ANKS1B: variants seen among roughly 807,000 people sequenced by gnomAD.
ANKS1B encodes the protein ankyrin repeat and sterile alpha motif domain containing 1B, also known as ankyrin repeat and sterile alpha motif domain-containing protein 1B.
A neutral mutation model predicts 148.3 loss-of-function variants in ANKS1B; 36 were observed. That is an observed-to-expected ratio of 0.24 (90% CI 0.19 to 0.32). The LOEUF (loss-of-function observed/expected upper bound fraction) is 0.32. ANKS1B is among the 10% of genes least tolerant of loss of function. ANKS1B has a pLI of 1.00. For synonymous variants in ANKS1B, 542 were observed against 560.8 expected, an observed-to-expected ratio of 0.97 and a Z score of 0.47; for missense variants, 1,157 against 1,542.6, an observed-to-expected ratio of 0.75 and a Z score of 4.19.
chr12:99,173,808 G>A (rs1273174935), intron 14 of ANKS1B, among the ~76,000 whole-genome samples: 2 of 151,988 alleles, frequency 1.3e-5, no homozygotes, highest in Non-Finnish European at 2.9e-5. Context: ...TTCCTTGGGG[G>A]ATTTACCCTC....
intron 17 of ANKS1B, among the ~76,000 whole-genome samples, chr12:98,907,427 T>A (rs1368926701): frequency 6.6e-6 from 1 of 152,160 alleles, no homozygotes; most frequent in Non-Finnish European, 1.5e-5. Flanking sequence ...CAGCTCCCTG[T>A]CTCATGCTGG....
intron 24 of ANKS1B, among the ~76,000 whole-genome samples, chr12:98,776,519 GT>G (rs2153494542): frequency 6.6e-6 from 1 of 152,364 alleles, no homozygotes; most frequent in East Asian, 1.9e-4. Context: ...TTGCCTGTCT[GT>G]TGTTTGCCAT....
chr12:99,684,589 T>C (rs1386499530), intron 8 of ANKS1B, among the ~76,000 whole-genome samples: 1 of 151,930 alleles, frequency 6.6e-6, no homozygotes, highest in Non-Finnish European at 1.5e-5. Flanking sequence ...CTAAAATTTA[T>C]ATGGAGTCAA....
chr12:98,973,902 A>G (rs61932228), intron 17 of ANKS1B, among the ~76,000 whole-genome samples: 28,628 of 151,562 alleles, frequency 0.19, 2,909 homozygotes, highest in African/African-American at 0.26. Context: ...GATACATATC[A>G]CAGGTATGTA....
intron 1 of ANKS1B, among the ~76,000 whole-genome samples, chr12:99,896,561 T>C (rs2093395201): frequency 6.6e-6 from 1 of 151,170 alleles, no homozygotes; most frequent in Non-Finnish European, 1.5e-5. Context: ...TTCTTTTTGC[T>C]CTTTAAATAT....
At chr12:98,867,991 T>C (rs1403583054) in intron 17 of ANKS1B, among the ~76,000 whole-genome samples, 1 of 152,182 alleles carries the variant, frequency 6.6e-6, no homozygotes, top group East Asian at 1.9e-4. Context: ...TGCTTAGACA[T>C]TTCATTCATG....
intron 12 of ANKS1B, among the ~76,000 whole-genome samples, chr12:99,350,940 A>G (rs759511643): frequency 2.4e-4 from 36 of 152,092 alleles, no homozygotes; most frequent in Admixed American, 1.3e-4. Context: ...AGTCTCAGTC[A>G]CAGCTCTCAA....
At chr12:98,774,877 A>G (rs1030403457) in intron 24 of ANKS1B, among the ~76,000 whole-genome samples, 1 of 152,238 alleles carries the variant, frequency 6.6e-6, no homozygotes, top group African/African-American at 2.4e-5. Flanking sequence ...GTCAAAAAAT[A>G]ACTCAAATTG....
At chr12:99,651,388 G>A (rs1475071486) in intron 9 of ANKS1B, among the ~76,000 whole-genome samples, 1 of 152,024 alleles carries the variant, frequency 6.6e-6, no homozygotes, top group Non-Finnish European at 1.5e-5. Context: ...TGTTTTTCAT[G>A]TGGTACGTAG....
intron 17 of ANKS1B, among the ~76,000 whole-genome samples, chr12:99,026,325 A>G (rs2099948727): frequency 6.6e-6 from 1 of 152,114 alleles, no homozygotes; most frequent in African/African-American, 2.4e-5. Flanking sequence ...TTATTTCCCT[A>G]TACCTATGGG....
downstream of ANKS1B, chr12:98,743,970 C>T (rs2097827367): frequency 1.3e-5 from 13 of 979,832 alleles, no homozygotes; most frequent in Non-Finnish European, 1.6e-5. Flanking sequence ...ATGCCAAGCA[C>T]CACTGCTGTA....
chr12:99,477,209 A>G (rs775403431), intron 10 of ANKS1B, among the ~76,000 whole-genome samples: 1 of 152,198 alleles, frequency 6.6e-6, no homozygotes, highest in African/African-American at 2.4e-5. Flanking sequence ...ACAAAGGCAT[A>G]AATACCAGGA....
intron 9 of ANKS1B, among the ~76,000 whole-genome samples, chr12:99,534,692 T>C (rs912412587): frequency 6.6e-6 from 1 of 150,422 alleles, no homozygotes; most frequent in African/African-American, 2.4e-5. Flanking sequence ...AGGAAACTTT[T>C]TTTTTCTTTT....
chr12:99,030,234 G>A (rs911890282), intron 17 of ANKS1B, among the ~76,000 whole-genome samples: 21 of 152,204 alleles, frequency 1.4e-4, no homozygotes, highest in Middle Eastern at 3.2e-3. Flanking sequence ...GCAAGTGCAG[G>A]GGCTGGCAGA....
At chr12:98,935,564 T>C (rs2099817883) in intron 17 of ANKS1B, among the ~76,000 whole-genome samples, 1 of 152,206 alleles carries the variant, frequency 6.6e-6, no homozygotes, top group African/African-American at 2.4e-5. Context: ...AATTCTTCTT[T>C]AAATGTTTGG....
chr12:99,550,031 G>A (rs997046196), intron 9 of ANKS1B, among the ~76,000 whole-genome samples: 2 of 152,196 alleles, frequency 1.3e-5, no homozygotes, highest in African/African-American at 4.8e-5. Flanking sequence ...CCCTTCTGCA[G>A]GTCTTTTGTC....
At chr12:99,840,281 G>A (rs2085505259) in intron 1 of ANKS1B, among the ~76,000 whole-genome samples, 1 of 152,138 alleles carries the variant, frequency 6.6e-6, no homozygotes, top group African/African-American at 2.4e-5. Context: ...CAGGACAGCA[G>A]TGTGGCTGGA....
At chr12:99,178,655 A>G (rs1317182389) in intron 14 of ANKS1B, among the ~76,000 whole-genome samples, 1 of 152,084 alleles carries the variant, frequency 6.6e-6, no homozygotes, top group Non-Finnish European at 1.5e-5. Flanking sequence ...TTGTTATTAT[A>G]TTTTTCTGCT....
chr12:99,577,041 C>A (rs1247419824), intron 9 of ANKS1B, among the ~76,000 whole-genome samples: 1 of 151,542 alleles, frequency 6.6e-6, no homozygotes, highest in Admixed American at 6.6e-5. Flanking sequence ...CCTAGAGGAA[C>A]TAAAAAAATA....
Sources: gnomAD v4.1 joint callset for allele counts (sites outside exome capture counted in the v4.1 genomes callset) on GRCh38, gnomAD v4.1.1 for gene constraint, MANE v1.5 for transcripts, NCBI Gene and HGNC (gene_info 2026-07-23, HGNC 2026-07-21) for gene names.